SEMA5A: variants seen among roughly 807,000 people sequenced by gnomAD.
The protein encoded by SEMA5A is semaphorin-5A.
Under a neutral mutation model 135.5 loss-of-function variants are expected in SEMA5A, and 55 were observed. The observed-to-expected ratio is 0.41, with a 90% CI of 0.33 to 0.51. The LOEUF (loss-of-function observed/expected upper bound fraction) is 0.51, where lower values mean the gene tolerates loss of function less well. Among genes scored for constraint, SEMA5A ranks in the 20% least tolerant of loss-of-function variants. The pLI is 0.37. For missense variants in SEMA5A, 1,290 were observed against 1,419.9 expected, an observed-to-expected ratio of 0.91 and a Z score of 1.47; for synonymous variants, 580 against 546.5, an observed-to-expected ratio of 1.06 and a Z score of -0.85.
At chr5:9,303,186 G>C (rs985086470) in intron 5 of SEMA5A, among the ~76,000 whole-genome samples, 1 of 149,816 alleles carries the variant, frequency 6.7e-6, no homozygotes, top group Non-Finnish European at 1.5e-5. Flanking sequence ...GCGCCATCTC[G>C]GCTTACTGCA....
chr5:9,337,618 A>C, intron 4 of SEMA5A, 95 bp downstream of exon 4: 2 of 737,988 alleles, frequency 2.7e-6, no homozygotes, highest in Non-Finnish European at 2.4e-6. Flanking sequence ...ATTATTCAGC[A>C]TTCTTCAGTT....
At chr5:9,285,129 T>C (rs1205820284) in intron 5 of SEMA5A, among the ~76,000 whole-genome samples, 1 of 152,222 alleles carries the variant, frequency 6.6e-6, no homozygotes. Flanking sequence ...ATTAGAAGCA[T>C]TTATGCGTCA....
intron 11 of SEMA5A, among the ~76,000 whole-genome samples, chr5:9,185,591 TAA>T (rs1176724641): frequency 6.6e-6 from 1 of 152,178 alleles, no homozygotes; most frequent in Non-Finnish European, 1.5e-5. Context: ...ACATTCCTTT[TAA>T]AAAATATATT....
chr5:9,521,985 C>T (rs1736859373), intron 1 of SEMA5A, among the ~76,000 whole-genome samples: 3 of 152,146 alleles, frequency 2.0e-5, no homozygotes, highest in Middle Eastern at 3.2e-3. Flanking sequence ...AGAGGCTCCA[C>T]CTGATTTCTG....
At chr5:9,520,370 G>A (rs1051894618) in intron 1 of SEMA5A, among the ~76,000 whole-genome samples, 1 of 152,202 alleles carries the variant, frequency 6.6e-6, no homozygotes, top group African/African-American at 2.4e-5. Context: ...ACAGAGGAAT[G>A]GCGTGCTGGG....
chr5:9,350,579 G>A (rs1358579240), intron 3 of SEMA5A, among the ~76,000 whole-genome samples: 1 of 152,238 alleles, frequency 6.6e-6, no homozygotes, highest in Non-Finnish European at 1.5e-5. Flanking sequence ...AAGGGCTGGA[G>A]TCTGAGTAAC....
chr5:9,121,921 G>A (rs1421412410), intron 14 of SEMA5A, among the ~76,000 whole-genome samples: 1 of 152,062 alleles, frequency 6.6e-6, no homozygotes, highest in African/African-American at 2.4e-5. Flanking sequence ...TTGTCCCAGA[G>A]ACTTTTTTTT....
At chr5:9,119,188 G>C (rs773278898) in intron 14 of SEMA5A, 47 bp from the exon 15 acceptor site, 2 of 1,596,442 alleles carry the variant, frequency 1.3e-6, no homozygotes, top group Non-Finnish European at 1.7e-6. Context: ...CAGGCTCAGA[G>C]TCCAAGCCCT....
chr5:9,501,797 C>T lies in SEMA5A; in HGVS notation c.-175+43787G>A, dbSNP rs982734099. Among the ~76,000 whole-genome samples, 68 of 152,202 alleles carry T rather than the reference C, an allele frequency of 4.5e-4. 2 individuals carry two copies. The highest frequency in any genetic ancestry group is 4.4e-5 in the Non-Finnish European group (3 of 68,032). On this transcript the variant is annotated intron_variant, in intron 1 of 22. Coordinates refer to ENST00000382496, the MANE Select transcript of SEMA5A (RefSeq NM_003966.3). Reference sequence around the variant, plus strand: ...AAGGACTCAGGACACATAGCTGTTACATGACAAAAACACAGGTCTTGGTTG... The same window carrying T: ...AAGGACTCAGGACACATAGCTGTTATATGACAAAAACACAGGTCTTGGTTG...
chr5:9,134,462 T>C (rs1338528563), intron 13 of SEMA5A, among the ~76,000 whole-genome samples: 1 of 152,156 alleles, frequency 6.6e-6, no homozygotes, highest in African/African-American at 2.4e-5. Flanking sequence ...CTCCATTTAA[T>C]GACTAAAGAC....
intron 3 of SEMA5A, among the ~76,000 whole-genome samples, chr5:9,346,212 G>A (rs1327766758): frequency 6.6e-6 from 1 of 152,074 alleles, no homozygotes; most frequent in African/African-American, 2.4e-5. Flanking sequence ...GGGACAGTTT[G>A]ATGGTGTAAC....
At chr5:9,160,359 G>C (rs1743186034) in intron 11 of SEMA5A, among the ~76,000 whole-genome samples, 1 of 152,112 alleles carries the variant, frequency 6.6e-6, no homozygotes, top group African/African-American at 2.4e-5. Flanking sequence ...TGGGCAAACA[G>C]TGAAGGACCT....
At chr5:9,346,765 G>A (rs927000753) in intron 3 of SEMA5A, among the ~76,000 whole-genome samples, 2 of 152,182 alleles carry the variant, frequency 1.3e-5, no homozygotes, top group African/African-American at 2.4e-5. Flanking sequence ...CAGGAGTTGA[G>A]AGCTGAGGGC....
intron 12 of SEMA5A, among the ~76,000 whole-genome samples, chr5:9,147,401 AG>A (rs1252356691): frequency 1.3e-5 from 2 of 151,914 alleles, no homozygotes; most frequent in Non-Finnish European, 2.9e-5. Flanking sequence ...GCCTCAGAGT[AG>A]CTGGTTTTAC....
chr5:9,132,626 A>G (rs1741494255), intron 13 of SEMA5A, among the ~76,000 whole-genome samples: 1 of 152,230 alleles, frequency 6.6e-6, no homozygotes, highest in Non-Finnish European at 1.5e-5. Flanking sequence ...AGACAGCCAT[A>G]AGTCACAGCC....
intron 21 of SEMA5A, 71 bp from the exon 22 acceptor site, chr5:9,044,655 A>C (rs113540741): frequency 7.7e-7 from 1 of 1,294,620 alleles, no homozygotes; most frequent in Non-Finnish European, 1.1e-6. Context: ...AAGCACTAGG[A>C]TGAAAAGAGA....
At chr5:9,397,636 T>C (rs1468487790) in intron 2 of SEMA5A, among the ~76,000 whole-genome samples, 5 of 152,330 alleles carry the variant, frequency 3.3e-5, no homozygotes, top group African/African-American at 1.2e-4. Context: ...TTTTGCAAGA[T>C]TAATGTAAAT....
intron 1 of SEMA5A, among the ~76,000 whole-genome samples, chr5:9,456,806 C>G (rs968296746): frequency 5.9e-5 from 9 of 152,150 alleles, no homozygotes; most frequent in Non-Finnish European, 1.5e-5. Context: ...TTTAAAGAAC[C>G]ATTTGGAAAT....
chr5:9,474,591 G>A (rs1015691692), intron 1 of SEMA5A, among the ~76,000 whole-genome samples: 4 of 152,200 alleles, frequency 2.6e-5, no homozygotes, highest in African/African-American at 7.2e-5. Context: ...CACCCACCAC[G>A]TGCAAGGCAC....
Sources: gnomAD v4.1 joint callset for allele counts (sites outside exome capture counted in the v4.1 genomes callset) on GRCh38, gnomAD v4.1.1 for gene constraint, MANE v1.5 for transcripts, NCBI Gene and HGNC (gene_info 2026-07-23, HGNC 2026-07-21) for gene names.